CABP7: variants seen among roughly 807,000 people sequenced by gnomAD.
CABP7 encodes calcium-binding protein 7.
In CABP7, 13 loss-of-function variants were observed where a neutral mutation model predicts 23.1. That is an observed-to-expected ratio of 0.56 (90% CI 0.37 to 0.90). CABP7 has a LOEUF of 0.90. Ranked by LOEUF, CABP7 falls within the 40% of genes least tolerant of loss-of-function variation. The probability of loss-of-function intolerance (pLI) is 0.01; values close to 1 mark genes in which losing one functional copy is unlikely to be tolerated. For synonymous variants in CABP7, 123 were observed against 115.3 expected, an observed-to-expected ratio of 1.07 and a Z score of -0.43; for missense variants, 248 against 295.6, an observed-to-expected ratio of 0.84 and a Z score of 1.18.
intron 2 of CABP7, among the ~76,000 whole-genome samples, chr22:29,728,054 T>A (rs2147208439): frequency 1.3e-5 from 2 of 152,248 alleles, no homozygotes; most frequent in Middle Eastern, 6.8e-3. Context: ...TCACTCTGTG[T>A]TGAGAAGTTT....
At position 29,720,560 on chromosome 22, in the gene CABP7, C is replaced by G; in HGVS notation, c.109+27C>G. 1 of 1,467,748 alleles carries G rather than the reference C, an allele frequency of 6.8e-7. No individual in the cohort carries two copies. Among genetic ancestry groups the G allele is most frequent in the Non-Finnish European group, 9.1e-7 (1 of 1,093,962 alleles). 90.9% of individuals were successfully genotyped at this position (1,467,748 alleles called of 1,614,324 possible). ...TGAGTGTCCGCCGGGATCCCCGCCC[C>G]GGCGGCCCTCCTACCTGTGCGCCCA... On this transcript the variant is annotated intron_variant, in intron 1 of 4. Transcript: ENST00000216144. The surrounding 1 kb of genome is among the most constrained non-coding windows in gnomAD (Gnocchi z 5.2).
intron 1 of CABP7, among the ~76,000 whole-genome samples, chr22:29,726,331 T>C (rs1211120203): frequency 6.6e-6 from 1 of 152,068 alleles, no homozygotes; most frequent in Non-Finnish European, 1.5e-5. Context: ...CATGTGGCCA[T>C]CCTCTCCGGG....
rs1337309512 is a variant in CABP7 at position 29,731,321 on chromosome 22, G to T, written c.*1752G>T. ...CCTGAACTGGTGGCCAGCCCACGGG[G>T]TACTGGAAGACAGTGGTTCTGATGG... On this transcript the variant is annotated 3_prime_UTR_variant, in exon 5 of 5. Coordinates refer to ENST00000216144, the MANE Select transcript of CABP7 (RefSeq NM_182527.3). 6.5e-7 allele frequency: 1 copy of T among 1,535,124 alleles called. No individual in the cohort carries two copies. Among genetic ancestry groups the T allele is most frequent in the Non-Finnish European group, 8.7e-7 (1 of 1,152,016 alleles).
intron 1 of CABP7, among the ~76,000 whole-genome samples, chr22:29,725,411 TC>T (rs1351999486): frequency 6.6e-6 from 1 of 152,136 alleles, no homozygotes; most frequent in Non-Finnish European, 1.5e-5. Flanking sequence ...ATGGATGGGC[TC>T]CCCACATCAG....
rs1034207341 is a variant in CABP7 at position 29,720,016 on chromosome 22, G to A, written c.-409G>A. The A allele has an allele frequency of 1.3e-5, 2 of 149,964 alleles. No individual in the cohort carries two copies. The highest frequency in any genetic ancestry group is 2.4e-5 in the African/African-American group (1 of 41,068). The allele number at this position is 149,964 out of a possible 1,614,324, so 9.3% of individuals were successfully genotyped here. On this transcript the variant is annotated 5_prime_UTR_variant, in exon 1 of 5. Coordinates refer to ENST00000216144, the MANE Select transcript of CABP7 (RefSeq NM_182527.3). The surrounding 1 kb of genome is among the most constrained non-coding windows in gnomAD (Gnocchi z 5.2). ...AGCCAGCGCGGCACAGAACGAGCGA[G>A]CGAGCGAGCGGAGAGGCGGCTACAG...
chr22:29,728,533 G>A, intron 2 of CABP7, 97 bp from the exon 3 acceptor site: 1 of 748,302 alleles, frequency 1.3e-6, no homozygotes, highest in Non-Finnish European at 2.3e-6. Flanking sequence ...CACCCGGTAG[G>A]CCCAAGGTGT....
chr22:29,720,464 G>A lies in CABP7; in HGVS notation c.40G>A (p.Gly14Ser), dbSNP rs1361008557. ...GGTGACGGCGGCGTTGATGTACCGG[G>A]GCATCTACACCGTGCCCAACCTGCT... ...HPVTAALMYRGIYTVPNLLSE... is the reference protein window; with the variant it reads ...HPVTAALMYRSIYTVPNLLSE... The change falls in exon 1 of 5, where the codon GGC becomes AGC. Residue 14 changes from glycine to serine, a missense_variant. Physicochemically the swap from Gly to Ser is moderately conservative, Grantham distance 56 (BLOSUM62 0). Transcript: ENST00000216144. The surrounding 1 kb of genome is among the most constrained non-coding windows in gnomAD (Gnocchi z 5.2). 1.3e-6 allele frequency: 2 copies of A among 1,562,764 alleles called. No homozygotes were observed. Among genetic ancestry groups the A allele is most frequent in the Non-Finnish European group, 1.7e-6 (2 of 1,156,316 alleles).
Position 29,731,482 on chromosome 22 carries a change from G to C in CABP7, c.*1913G>C. 2 of 1,312,590 alleles carry C rather than the reference G, an allele frequency of 1.5e-6. No homozygotes were observed. The highest frequency in any genetic ancestry group is 2.0e-6 in the Non-Finnish European group (2 of 993,224). 81.3% of individuals were successfully genotyped at this position (1,312,590 alleles called of 1,614,324 possible). On this transcript the variant is annotated 3_prime_UTR_variant, in exon 5 of 5. Coordinates refer to ENST00000216144, the MANE Select transcript of CABP7 (RefSeq NM_182527.3). ...AGCTGCCTGCATGACTTTTCTGGAAGGCAGAGCCTCGAAAATAGGCAGACC... is the reference window on the plus strand; with the variant it reads ...AGCTGCCTGCATGACTTTTCTGGAACGCAGAGCCTCGAAAATAGGCAGACC...
rs753635103 is a variant in CABP7, at chr22:29,727,866, G to A, written c.253+61G>A. On this transcript the variant is annotated intron_variant, in intron 2 of 4. Coordinates refer to ENST00000216144, the MANE Select transcript of CABP7 (RefSeq NM_182527.3). The surrounding 1 kb of genome is among the most constrained non-coding windows in gnomAD (Gnocchi z 4.2). ...ATCTGGGCCCTGGGGGTGGGGCAGG[G>A]GCTGGGGCCTGAGCTGCTGAGGCTG... is the stretch of plus-strand genomic sequence containing the variant. 25 of 1,563,298 alleles carry A rather than the reference G, an allele frequency of 1.6e-5. No homozygotes were observed. The highest frequency in any genetic ancestry group is 1.3e-4 in the Admixed American group (7 of 55,466).
chr22:29,720,504 C>G lies in CABP7; in HGVS notation c.80C>G (p.Pro27Arg). ...TVPNLLSEQR[P>R]VDIPEDELEE... ...CCCAACCTGCTGTCGGAGCAGCGCC[C>G]GGTGGACATCCCGGAGGACGAGCTG... Residue 27 changes from proline to arginine, a missense_variant, in exon 1 of 5, where the codon CCG (proline) becomes CGG (arginine). Physicochemically the swap from Pro to Arg is moderately radical, Grantham distance 103. Coordinates refer to ENST00000216144, the MANE Select transcript of CABP7 (RefSeq NM_182527.3). This position sits in a 1 kb window ranked among gnomAD's most constrained non-coding sequence, Gnocchi z 5.2. 6.4e-7 allele frequency: 1 copy of G among 1,556,256 alleles called. No homozygotes were observed. Among genetic ancestry groups the G allele is most frequent in the South Asian group, 1.2e-5 (1 of 86,480 alleles).
At position 29,729,713 on chromosome 22, in the gene CABP7, C is replaced by T; in HGVS notation, c.*144C>T. Reference sequence around the variant, plus strand: ...GCCTGGGTATCCAGCGAGCCCTCCCCACCCACCCACGGTCCTCACCTGGAG... The same window carrying T: ...GCCTGGGTATCCAGCGAGCCCTCCCTACCCACCCACGGTCCTCACCTGGAG... On this transcript the variant is annotated 3_prime_UTR_variant, in exon 5 of 5. Coordinates refer to ENST00000216144, the MANE Select transcript of CABP7 (RefSeq NM_182527.3). 9.5e-7 allele frequency: 1 copy of T among 1,052,432 alleles called. No individual in the cohort carries two copies. Among genetic ancestry groups the T allele is most frequent in the Non-Finnish European group, 1.4e-6 (1 of 739,538 alleles). The allele number at this position is 1,052,432 out of a possible 1,614,324, so 65.2% of individuals were successfully genotyped here.
chr22:29,723,053 G>T (rs562963966), intron 1 of CABP7, among the ~76,000 whole-genome samples: 1 of 152,342 alleles, frequency 6.6e-6, no homozygotes, highest in African/African-American at 2.4e-5. Flanking sequence ...ATAAAAGGGG[G>T]GCTGGTGATG....
At chr22:29,723,965 T>G (rs5763435) in intron 1 of CABP7, among the ~76,000 whole-genome samples, 33,317 of 152,028 alleles carry the variant, frequency 0.22, 3,896 homozygotes, top group South Asian at 0.42. Flanking sequence ...AGGCTGGAGG[T>G]GGCAGGTAGG....
Position 29,729,563 on chromosome 22 carries a change from G to A in CABP7, c.642G>A (p.Met214Ile). ...IAANQVLRSGMK is the reference protein window; with the variant it reads ...IAANQVLRSGIK ...CCAACCAGGTGCTGCGCAGTGGCAT[G>A]AAGTAGACGCCACCTGGATGCCCCA... The change falls in exon 5 of 5, where the codon ATG becomes ATA. Residue 214 changes from methionine (M) to isoleucine (I), a missense_variant. Transcript: ENST00000216144. The A allele has an allele frequency of 3.1e-6, 5 of 1,610,104 alleles. No individual in the cohort carries two copies. Among genetic ancestry groups the A allele is most frequent in the Non-Finnish European group, 3.4e-6 (4 of 1,179,876 alleles).
rs934890781 is a variant in CABP7 at position 29,727,107 on chromosome 22, CCT to C, written c.110-552_110-551del. Among the ~76,000 whole-genome samples, 2 of 152,314 alleles carry C rather than the reference CCT, an allele frequency of 1.3e-5. No individual in the cohort carries two copies. The highest frequency in any genetic ancestry group is 3.9e-4 in the East Asian group (2 of 5,176). ...TGGACCTGGAGGGGGGCTCCTTCCC[CCT>C]CTGTCTTCCCTGAACCAAAAGAGGT... On this transcript the variant is annotated intron_variant, in intron 1 of 4. Transcript: ENST00000216144. This position sits in a 1 kb window ranked among gnomAD's most constrained non-coding sequence, Gnocchi z 4.2.
intron 1 of CABP7, among the ~76,000 whole-genome samples, chr22:29,723,552 A>G (rs1229701498): frequency 2.6e-5 from 4 of 152,200 alleles, no homozygotes; most frequent in Non-Finnish European, 5.9e-5. Context: ...GAGAGGAGGA[A>G]GGAGTCAGAC....
At chr22:29,721,201 A>G (rs950721206) in intron 1 of CABP7, among the ~76,000 whole-genome samples, 2 of 152,092 alleles carry the variant, frequency 1.3e-5, no homozygotes, top group African/African-American at 4.8e-5. Context: ...AAAGGCAGAG[A>G]GGCCAGGACC....
rs1481043459 is a variant in CABP7 at position 29,731,315 on chromosome 22, C to T, written c.*1746C>T. The T allele has an allele frequency of 6.5e-7, 1 of 1,531,932 alleles. No homozygotes were observed. The highest frequency in any genetic ancestry group is 8.7e-7 in the Non-Finnish European group (1 of 1,151,008). The allele number at this position is 1,531,932 out of a possible 1,614,324, so 94.9% of individuals were successfully genotyped here. A position where few individuals can be genotyped will look rare whatever the true frequency, so the allele number is the denominator to read the frequency against. On this transcript the variant is annotated 3_prime_UTR_variant, in exon 5 of 5. Coordinates refer to ENST00000216144, the MANE Select transcript of CABP7 (RefSeq NM_182527.3). ...GCAGCTCCTGAACTGGTGGCCAGCC[C>T]ACGGGGTACTGGAAGACAGTGGTTC...
At position 29,727,553 on chromosome 22, in the gene CABP7, G is replaced by A. The variant is rs2067804685; in HGVS notation, c.110-109G>A. ...TCACCAGATCTGCAGGCTCTGGGTT[G>A]GGCTCTCAAGGCCATGCTCAGGCTG... is the stretch of plus-strand genomic sequence containing the variant. On this transcript the variant is annotated intron_variant, in intron 1 of 4. Transcript: ENST00000216144. The surrounding 1 kb of genome is among the most constrained non-coding windows in gnomAD (Gnocchi z 4.2). The A allele has an allele frequency of 2.2e-6, 3 of 1,349,352 alleles. No homozygotes were observed. The highest frequency in any genetic ancestry group is 1.0e-6 in the Non-Finnish European group (1 of 956,016). 83.6% of individuals were successfully genotyped at this position (1,349,352 alleles called of 1,614,324 possible).
Sources: gnomAD v4.1 joint callset for allele counts (sites outside exome capture counted in the v4.1 genomes callset) on GRCh38, gnomAD v4.1.1 for gene constraint, Gnocchi (gnomAD v3.1) non-coding constraint, MANE v1.5 for transcripts, NCBI Gene and HGNC (gene_info 2026-07-23, HGNC 2026-07-21) for gene names.